PRKN: variants seen among roughly 807,000 people sequenced by gnomAD.
The protein encoded by PRKN is parkin RBR E3 ubiquitin protein ligase, also known as E3 ubiquitin-protein ligase parkin.
A neutral mutation model predicts 59.5 loss-of-function variants in PRKN; 56 were observed. The ratio of observed to expected loss-of-function variants is 0.94; its 90% confidence interval spans 0.76 to 1.18. The LOEUF is 1.18. PRKN is among the 50% of genes most tolerant of loss of function. The probability of loss-of-function intolerance (pLI) is 0.00; values close to 1 mark genes in which losing one functional copy is unlikely to be tolerated. For missense variants in PRKN, 657 were observed against 596.4 expected (o/e 1.10, Z -1.06); for synonymous variants, 250 against 222.1 (o/e 1.13, Z -1.12).
At chr6:162,226,437 C>T (rs544687129) in intron 3 of PRKN, among the ~76,000 whole-genome samples, 45 of 152,286 alleles carry the variant, frequency 3.0e-4, no homozygotes, top group African/African-American at 1.0e-3. Flanking sequence ...CCAGTCCTCA[C>T]GAGCAGAGCC....
intron 2 of PRKN, among the ~76,000 whole-genome samples, chr6:162,296,170 A>G (rs1227816335): frequency 1.2e-4 from 19 of 152,040 alleles, no homozygotes; most frequent in Admixed American, 1.0e-3. Context: ...AAAGACCAAG[A>G]GCTGTCAAGG....
intron 5 of PRKN, among the ~76,000 whole-genome samples, chr6:162,011,037 T>TATATATTATAATATATATTATAATATATA (rs1782613339): frequency 1.3e-4 from 1 of 7,432 alleles, no homozygotes; most frequent in Non-Finnish European, 1.8e-4. Flanking sequence ...ATAATTATAA[T>TATATATTATAATATATATTATAATATATA]ATATATTTAT....
intron 9 of PRKN, among the ~76,000 whole-genome samples, chr6:161,464,259 C>T (rs1474183467): frequency 2.0e-5 from 3 of 152,168 alleles, no homozygotes; most frequent in Admixed American, 1.3e-4. Flanking sequence ...GGTAATCTGC[C>T]TACCTCAGCC....
Position 161,365,970 on chromosome 6 carries a change from A to G in PRKN, c.1168-5765T>C, listed in dbSNP as rs79122920. 2.0e-5 allele frequency among the ~76,000 whole-genome samples: 3 copies of G among 152,296 alleles called. No homozygotes were observed. The East Asian group carries it at 5.8e-4, about 29-fold the overall frequency. Reference sequence around the variant, plus strand: ...GCAATTTCTGTTTTCACCTGCAAGGATATGTACCCTTATCATTTCCTTCAC... The same window carrying G: ...GCAATTTCTGTTTTCACCTGCAAGGGTATGTACCCTTATCATTTCCTTCAC... On this transcript the variant is annotated intron_variant, in intron 10 of 11. Coordinates refer to ENST00000366898, the MANE Select transcript of PRKN (RefSeq NM_004562.3).
At chr6:162,304,435 TC>T (rs1782119103) in intron 2 of PRKN, among the ~76,000 whole-genome samples, 1 of 150,898 alleles carries the variant, frequency 6.6e-6, no homozygotes, top group Non-Finnish European at 1.5e-5. Flanking sequence ...TAAACATACT[TC>T]TTGGAACCAA....
In PRKN at chr6:162,471,130, G is replaced by T. The variant is rs190947736; in HGVS notation, c.8-27657C>A. Among the ~76,000 whole-genome samples, 55 of 149,150 alleles carry T rather than the reference G, an allele frequency of 3.7e-4. 1 individual carries two copies. The highest frequency in any genetic ancestry group is 3.7e-3 in the Admixed American group (54 of 14,666). On this transcript the variant is annotated intron_variant, in intron 1 of 11. Coordinates refer to ENST00000366898, the MANE Select transcript of PRKN (RefSeq NM_004562.3). Reference sequence around the variant, plus strand: ...TTTATTTATTTATTGACAGAGTTTTGCTTGTCACCCAGGCTGGAGTGCAGT... The same window carrying T: ...TTTATTTATTTATTGACAGAGTTTTTCTTGTCACCCAGGCTGGAGTGCAGT...
At position 161,680,768 on chromosome 6, in the gene PRKN, TATATA is replaced by T. The variant is rs1215417143; in HGVS notation, c.871+104999_871+105003del. Among the ~76,000 whole-genome samples the T allele has an allele frequency of 9.2e-3, 183 of 19,964 alleles. 5 individuals carry two copies. Among genetic ancestry groups the T allele is most frequent in the Non-Finnish European group, 0.013 (125 of 9,364 alleles). 13.1% of individuals were successfully genotyped at this position (19,964 alleles called of 152,430 possible). A position where few individuals can be genotyped will look rare whatever the true frequency, so the allele number is the denominator to read the frequency against. ...ATATATATATATATATATATATATA[TATATA>T]TATTTTTTTTTTTTTTTCTTTTCCT... On this transcript the variant is annotated intron_variant, in intron 7 of 11. Transcript: ENST00000366898.
At chr6:161,923,390 G>A (rs1343264984) in intron 6 of PRKN, among the ~76,000 whole-genome samples, 2 of 152,242 alleles carry the variant, frequency 1.3e-5, no homozygotes, top group East Asian at 3.9e-4. Context: ...GGCTGAGGTG[G>A]AAAAATTGCT....
chr6:162,206,360 C>T lies in PRKN; in HGVS notation c.413-5108G>A, dbSNP rs184184884. Among the ~76,000 whole-genome samples, 86 of 152,266 alleles carry T rather than the reference C, an allele frequency of 5.6e-4. 1 individual carries two copies. The highest frequency in any genetic ancestry group is 1.9e-3 in the African/African-American group (79 of 41,554). On this transcript the variant is annotated intron_variant, in intron 3 of 11. Coordinates refer to ENST00000366898, the MANE Select transcript of PRKN (RefSeq NM_004562.3). ...GTAGCCAGTGCAGTCTCATCCTCTT[C>T]GAACAGCTGGCTTGCACCAACACCA...
chr6:161,906,318 G>C (rs1778142983), intron 6 of PRKN, among the ~76,000 whole-genome samples: 1 of 152,152 alleles, frequency 6.6e-6, no homozygotes, highest in Non-Finnish European at 1.5e-5. Context: ...CATTTGATAA[G>C]AACTGGAATA....
chr6:162,363,246 T>C (rs1785247797), intron 2 of PRKN, among the ~76,000 whole-genome samples: 1 of 152,260 alleles, frequency 6.6e-6, no homozygotes, highest in East Asian at 1.9e-4. Flanking sequence ...GTATTAGTGT[T>C]CTGCAGAGGC....
At chr6:161,605,516 T>C (rs75211951) in intron 7 of PRKN, among the ~76,000 whole-genome samples, 10 of 112,212 alleles carry the variant, frequency 8.9e-5, no homozygotes, top group African/African-American at 4.8e-4. Flanking sequence ...CCCTCTCTCT[T>C]TTTTTTTTTT....
intron 4 of PRKN, among the ~76,000 whole-genome samples, chr6:162,172,633 A>G (rs1783340594): frequency 6.6e-6 from 1 of 152,206 alleles, no homozygotes; most frequent in Non-Finnish European, 1.5e-5. Flanking sequence ...GTTAATACAG[A>G]GACCAATGCC....
At chr6:162,124,023 A>ACAACCC (rs1781024252) in intron 4 of PRKN, among the ~76,000 whole-genome samples, 1 of 152,166 alleles carries the variant, frequency 6.6e-6, no homozygotes, top group African/African-American at 2.4e-5. Flanking sequence ...GCAGCAGCAC[A>ACAACCC]CAACCCGAGC....
chr6:161,839,274 G>A (rs1171514833), intron 6 of PRKN, among the ~76,000 whole-genome samples: 2 of 152,120 alleles, frequency 1.3e-5, no homozygotes, highest in Non-Finnish European at 2.9e-5. Flanking sequence ...AAGAAACCAG[G>A]AAGGCTGAGG....
intron 4 of PRKN, among the ~76,000 whole-genome samples, chr6:162,064,391 T>C (rs938743693): frequency 5.9e-5 from 9 of 152,172 alleles, no homozygotes; most frequent in African/African-American, 1.9e-4. Flanking sequence ...TTGTAGAGTG[T>C]AAATTGTTCT....
intron 9 of PRKN, among the ~76,000 whole-genome samples, chr6:161,426,080 C>T (rs60798458): frequency 1.5e-3 from 231 of 151,798 alleles, no homozygotes; most frequent in Middle Eastern, 3.4e-3. Context: ...CTGTGTACAG[C>T]GTTGTAGGAG....
intron 5 of PRKN, among the ~76,000 whole-genome samples, chr6:162,017,950 A>C (rs555479243): frequency 6.6e-6 from 1 of 152,214 alleles, no homozygotes; most frequent in East Asian, 1.9e-4. Flanking sequence ...CTGGCTGTCT[A>C]TGTGCAATGA....
At chr6:162,247,106 A>G (rs1270368229) in intron 3 of PRKN, among the ~76,000 whole-genome samples, 1 of 152,148 alleles carries the variant, frequency 6.6e-6, no homozygotes. Flanking sequence ...TGTACTATAT[A>G]TATTTATAGC....
Sources: allele counts gnomAD v4.1 joint callset (sites outside exome capture counted in the v4.1 genomes callset), GRCh38; gene constraint gnomAD v4.1.1; transcripts MANE v1.5; gene names NCBI Gene and HGNC (gene_info 2026-07-23, HGNC 2026-07-21).